Variants in PCDHGA12 observed in about 807,000 individuals in gnomAD.
PCDHGA12 encodes protocadherin gamma subfamily A, 12, also known as protocadherin gamma-A12.
In PCDHGA12, 43 loss-of-function variants were observed where a neutral mutation model predicts 61.1. That is an observed-to-expected ratio of 0.70 (90% CI 0.55 to 0.91). PCDHGA12 has a LOEUF of 0.91. Ranked by LOEUF, PCDHGA12 falls within the 40% of genes least tolerant of loss-of-function variation. The probability of loss-of-function intolerance (pLI) is 0.00; values close to 1 mark genes in which losing one functional copy is unlikely to be tolerated. For synonymous variants in PCDHGA12, 520 were observed against 542.9 expected, an observed-to-expected ratio of 0.96 and a Z score of 0.59; for missense variants, 1,236 against 1,227.7, an observed-to-expected ratio of 1.01 and a Z score of -0.10.
intron 1 of PCDHGA12, among the ~76,000 whole-genome samples, chr5:141,482,799 C>T (rs933003208): frequency 6.6e-6 from 1 of 152,086 alleles, no homozygotes; most frequent in Non-Finnish European, 1.5e-5. Flanking sequence ...TGGCCGGGTA[C>T]GGTGGCTCAT....
intron 1 of PCDHGA12, among the ~76,000 whole-genome samples, chr5:141,465,279 C>T (rs975247599): frequency 3.3e-5 from 5 of 152,028 alleles, no homozygotes; most frequent in South Asian, 2.1e-4. Flanking sequence ...TTTAGTTCAC[C>T]CCTAAAGAAC....
chr5:141,451,716 T>C (rs947058540), intron 1 of PCDHGA12, among the ~76,000 whole-genome samples: 1 of 152,092 alleles, frequency 6.6e-6, no homozygotes, highest in Non-Finnish European at 1.5e-5. Context: ...ACCCTGCCTC[T>C]ACTAAAAATA....
At chr5:141,482,366 AT>A (rs1425349819) in intron 1 of PCDHGA12, among the ~76,000 whole-genome samples, 1 of 152,150 alleles carries the variant, frequency 6.6e-6, no homozygotes, top group Non-Finnish European at 1.5e-5. Flanking sequence ...GTGAAAAGTA[AT>A]GCATATAAAG....
At chr5:141,510,816 A>G (rs1478938067) in intron 3 of PCDHGA12, 131 bp from the exon 4 acceptor site, 2 of 1,547,282 alleles carry the variant, frequency 1.3e-6, no homozygotes, top group Non-Finnish European at 1.8e-6. Context: ...GGTGACCCCT[A>G]TATTCCCAGT....
Position 141,487,356 on chromosome 5 carries a change from C to A in PCDHGA12, c.2425-7451C>A. On this transcript the variant is annotated intron_variant, in intron 1 of 3. Coordinates refer to ENST00000252085, the MANE Select transcript of PCDHGA12 (RefSeq NM_003735.3). The surrounding 1 kb of genome is among the most constrained non-coding windows in gnomAD (Gnocchi z 5.0). ...GCCTGTGGAGTCACATGCTTTCCTG[C>A]TGGCACCTGTGCCTGTCTCACCAGA... 1 of 1,614,220 alleles carries A rather than the reference C, an allele frequency of 6.2e-7. No individual in the cohort carries two copies. The highest frequency in any genetic ancestry group is 8.5e-7 in the Non-Finnish European group (1 of 1,180,042).
At position 141,491,305 on chromosome 5, in the gene PCDHGA12, G is replaced by T. The variant is rs1461861151; in HGVS notation, c.2425-3502G>T. 6.2e-7 allele frequency: 1 copy of T among 1,614,176 alleles called. No homozygotes were observed. Among genetic ancestry groups the T allele is most frequent in the African/African-American group, 1.3e-5 (1 of 75,048 alleles). ...CCTCATACACCCTCCTGAGCGTTCA[G>T]ACCTTACCCTTTACCTCATTGTGGC... On this transcript the variant is annotated intron_variant, in intron 1 of 3. Coordinates refer to ENST00000252085, the MANE Select transcript of PCDHGA12 (RefSeq NM_003735.3). This position sits in a 1 kb window ranked among gnomAD's most constrained non-coding sequence, Gnocchi z 6.9.
intron 2 of PCDHGA12, among the ~76,000 whole-genome samples, chr5:141,497,706 A>G (rs2099778850): frequency 6.6e-6 from 1 of 151,956 alleles, no homozygotes; most frequent in Middle Eastern, 3.2e-3. Flanking sequence ...CACCCAGCTC[A>G]TTTTTGTATT....
At chr5:141,445,558 G>A (rs1172697298) in intron 1 of PCDHGA12, among the ~76,000 whole-genome samples, 1 of 152,172 alleles carries the variant, frequency 6.6e-6, no homozygotes, top group Non-Finnish European at 1.5e-5. Flanking sequence ...AAAGCACTAA[G>A]AGAAAGCTTA....
intron 2 of PCDHGA12, among the ~76,000 whole-genome samples, chr5:141,496,406 G>C (rs1485949584): frequency 6.6e-6 from 1 of 152,160 alleles, no homozygotes; most frequent in African/African-American, 2.4e-5. Flanking sequence ...CTCAATGGTT[G>C]AGTACTTGCT....
chr5:141,478,106 G>A (rs1474192496), intron 1 of PCDHGA12: 1 of 1,613,928 alleles, frequency 6.2e-7, no homozygotes, highest in Non-Finnish European at 8.5e-7. Context: ...TACCCTCACT[G>A]TGTCAGTAAC....
At chr5:141,465,144 T>A (rs965605798) in intron 1 of PCDHGA12, among the ~76,000 whole-genome samples, 4 of 152,008 alleles carry the variant, frequency 2.6e-5, no homozygotes, top group Admixed American at 6.6e-5. Flanking sequence ...TTAGGGGATA[T>A]ATGAAGGGAC....
chr5:141,486,017 A>C lies in PCDHGA12; in HGVS notation c.2425-8790A>C, dbSNP rs746747518. 1 of 1,614,176 alleles carries C rather than the reference A, an allele frequency of 6.2e-7. No homozygotes were observed. The highest frequency in any genetic ancestry group is 8.5e-7 in the Non-Finnish European group (1 of 1,180,038). ...CAGTGGTAACGTCACCTTTTATTTC[A>C]GTGGTCATACCCCTGATCGTGTAAG... On this transcript the variant is annotated intron_variant, in intron 1 of 3. Coordinates refer to ENST00000252085, the MANE Select transcript of PCDHGA12 (RefSeq NM_003735.3). This position sits in a 1 kb window ranked among gnomAD's most constrained non-coding sequence, Gnocchi z 5.0.
intron 1 of PCDHGA12, chr5:141,440,564 A>T (rs531383065): frequency 1.3e-5 from 2 of 152,248 alleles, no homozygotes; most frequent in Non-Finnish European, 2.9e-5. Context: ...TAAGTTACGT[A>T]TCTCTGAGTT....
chr5:141,449,075 T>C (rs1452456191), intron 1 of PCDHGA12, among the ~76,000 whole-genome samples: 3 of 152,240 alleles, frequency 2.0e-5, no homozygotes, highest in African/African-American at 7.2e-5. Context: ...AATAGCCCTG[T>C]ACCTACATCA....
chr5:141,489,254 C>T lies in PCDHGA12; in HGVS notation c.2425-5553C>T, dbSNP rs2099684538. 2 of 1,548,628 alleles carry T rather than the reference C, an allele frequency of 1.3e-6. No homozygotes were observed. Among genetic ancestry groups the T allele is most frequent in the African/African-American group, 1.4e-5 (1 of 73,008 alleles). ...GACTTCTGGGTCATGGGGCCCAAGA[C>T]ACTCCCACAGCTCGCTGGGAAATGG... is the stretch of plus-strand genomic sequence containing the variant. On this transcript the variant is annotated intron_variant, in intron 1 of 3. Transcript: ENST00000252085. This position sits in a 1 kb window ranked among gnomAD's most constrained non-coding sequence, Gnocchi z 4.5.
At chr5:141,443,109 C>A (rs373919534) in intron 1 of PCDHGA12, among the ~76,000 whole-genome samples, 2 of 152,100 alleles carry the variant, frequency 1.3e-5, no homozygotes, top group South Asian at 2.1e-4. Flanking sequence ...CTGAACCTTG[C>A]TTTTCAAACC....
intron 1 of PCDHGA12, among the ~76,000 whole-genome samples, chr5:141,457,384 G>A (rs2154565902): frequency 6.6e-6 from 1 of 152,270 alleles, no homozygotes; most frequent in African/African-American, 2.4e-5. Context: ...CCCAGAACTA[G>A]CATATTGATT....
rs1173627393 is a variant in PCDHGA12 at position 141,487,102 on chromosome 5, G to A, written c.2425-7705G>A. ...CAGCTGACCTCCCACCACAGAAGCT[G>A]GTCATTGTGGTAAAGGATAGTGGTA... On this transcript the variant is annotated intron_variant, in intron 1 of 3. Coordinates refer to ENST00000252085, the MANE Select transcript of PCDHGA12 (RefSeq NM_003735.3). This position sits in a 1 kb window ranked among gnomAD's most constrained non-coding sequence, Gnocchi z 5.0. 1 of 1,613,900 alleles carries A rather than the reference G, an allele frequency of 6.2e-7. No homozygotes were observed.
At chr5:141,500,822 T>A (rs1377955680) in intron 2 of PCDHGA12, among the ~76,000 whole-genome samples, 1 of 152,240 alleles carries the variant, frequency 6.6e-6, no homozygotes, top group African/African-American at 2.4e-5. Context: ...TACATATTAT[T>A]TTTCTAATGC....
Sources: gnomAD v4.1 joint callset for allele counts (sites outside exome capture counted in the v4.1 genomes callset) on GRCh38, gnomAD v4.1.1 for gene constraint, Gnocchi (gnomAD v3.1) non-coding constraint, MANE v1.5 for transcripts, NCBI Gene and HGNC (gene_info 2026-07-23, HGNC 2026-07-21) for gene names.